NCAPD3: variants seen among roughly 807,000 people sequenced by gnomAD.
NCAPD3 encodes condensin-2 complex subunit D3.
Under a neutral mutation model 182.9 loss-of-function variants are expected in NCAPD3, and 105 were observed. The ratio of observed to expected loss-of-function variants is 0.57; its 90% CI spans 0.49 to 0.68. The LOEUF is 0.68. Among genes scored for constraint, NCAPD3 ranks in the 30% least tolerant of loss-of-function variants. The pLI, the probability that NCAPD3 is intolerant of heterozygous loss-of-function variation, is 0.00. For synonymous variants in NCAPD3, 815 were observed against 679.9 expected (o/e 1.20, Z -3.09); for missense variants, 1,944 against 1,837.0 (o/e 1.06, Z -1.07).
At chr11:134,160,196 C>T (rs1034229247) in intron 28 of NCAPD3, 122 bp from the exon 29 acceptor site, 49 of 964,752 alleles carry the variant, frequency 5.1e-5, no homozygotes, top group Admixed American at 3.9e-4. Context: ...TACCCCTGAA[C>T]GCAAAATAAA....
chr11:134,198,785 A>C (rs899084368), intron 13 of NCAPD3, among the ~76,000 whole-genome samples: 1 of 152,244 alleles, frequency 6.6e-6, no homozygotes, highest in Non-Finnish European at 1.5e-5. Flanking sequence ...ATTATCAAAA[A>C]TAATTTGTAA....
chr11:134,155,480 G>A (rs563652062), intron 32 of NCAPD3, among the ~76,000 whole-genome samples: 19 of 152,220 alleles, frequency 1.2e-4, no homozygotes, highest in Non-Finnish European at 2.6e-4. Flanking sequence ...AGAGCCTGGA[G>A]CAAGAACAAG....
intron 4 of NCAPD3, 163 bp from the exon 5 acceptor site, chr11:134,209,640 C>T (rs1226985911): frequency 1.6e-6 from 1 of 612,040 alleles, no homozygotes; most frequent in Non-Finnish European, 2.8e-6. Flanking sequence ...GTCTCCTTGG[C>T]CACAACAGTA....
At chr11:134,168,339 GAGA>G in intron 26 of NCAPD3, 127 bp downstream of exon 26, 5 of 1,498,572 alleles carry the variant, frequency 3.3e-6, no homozygotes, top group Non-Finnish European at 4.6e-6. Context: ...GCTGATGCCA[GAGA>G]AGGACAAGAT....
At chr11:134,165,849 T>G (rs1219830149) in intron 27 of NCAPD3, among the ~76,000 whole-genome samples, 17 of 103,434 alleles carry the variant, frequency 1.6e-4, no homozygotes, top group African/African-American at 1.6e-4. Context: ...ACTCGTGAGA[T>G]GAGCTTAGGG....
chr11:134,158,208 G>T, intron 30 of NCAPD3, 121 bp downstream of exon 30: 1 of 1,521,520 alleles, frequency 6.6e-7, no homozygotes, highest in Non-Finnish European at 9.0e-7. Flanking sequence ...ACAGTGTGGA[G>T]CGGGGTGGCA....
At chr11:134,169,394 G>A (rs1943952115) in intron 24 of NCAPD3, among the ~76,000 whole-genome samples, 1 of 152,166 alleles carries the variant, frequency 6.6e-6, no homozygotes, top group African/African-American at 2.4e-5. Context: ...AGAGGCCAGT[G>A]GTCTTATAAG....
chr11:134,213,698 T>C (rs1018119991), intron 3 of NCAPD3, among the ~76,000 whole-genome samples: 3 of 149,372 alleles, frequency 2.0e-5, no homozygotes, highest in African/African-American at 7.4e-5. Flanking sequence ...CCTTTAAATA[T>C]AAACATATGG....
intron 13 of NCAPD3, among the ~76,000 whole-genome samples, chr11:134,195,646 C>CT (rs1344588023): frequency 2.6e-5 from 4 of 151,998 alleles, no homozygotes; most frequent in Non-Finnish European, 5.9e-5. Context: ...ACTGGGGAGA[C>CT]TGAGATCAGA....
intron 31 of NCAPD3, 46 bp downstream of exon 31, chr11:134,157,882 C>T: frequency 6.4e-7 from 1 of 1,558,216 alleles, no homozygotes; most frequent in Non-Finnish European, 8.7e-7. Context: ...TCTGTGTTTT[C>T]ATCTGTAAAT....
chr11:134,197,438 A>G (rs541966864), intron 13 of NCAPD3, among the ~76,000 whole-genome samples: 1 of 152,012 alleles, frequency 6.6e-6, no homozygotes, highest in African/African-American at 2.4e-5. Flanking sequence ...CACCATGCCC[A>G]GCTAATTTTT....
chr11:134,165,134 G>T (rs1394311920), intron 27 of NCAPD3, among the ~76,000 whole-genome samples: 1 of 151,842 alleles, frequency 6.6e-6, no homozygotes, highest in Non-Finnish European at 1.5e-5. Flanking sequence ...ATGAGCTTAG[G>T]GGAGCAGCAC....
Position 134,179,057 on chromosome 11 carries a change from T to C in NCAPD3, c.2560-121A>G, listed in dbSNP as rs141318237. ...CCCAAATTTAAAACAATGTTACTAG[T>C]TTTCGTTTCATAAAAATACATGGCT... On this transcript the variant is annotated intron_variant, in intron 20 of 34. Coordinates refer to ENST00000534548, the MANE Select transcript of NCAPD3 (RefSeq NM_015261.3). 1.3e-3 allele frequency: 891 copies of C among 679,038 alleles called. 5 individuals carry two copies. In the African/African-American group the frequency reaches 0.015, roughly 11 times the overall value. 42.1% of individuals were successfully genotyped at this position (679,038 alleles called of 1,614,324 possible).
At chr11:134,164,485 C>A (rs545646315) in intron 27 of NCAPD3, among the ~76,000 whole-genome samples, 17 of 152,326 alleles carry the variant, frequency 1.1e-4, no homozygotes, top group African/African-American at 3.8e-4. Flanking sequence ...AGCACCAGAG[C>A]ATGGCACCAG....
In NCAPD3 at chr11:134,210,281, C is replaced by T. The variant is rs1222365167; in HGVS notation, c.556G>A (p.Glu186Lys). ...AACTTACTTCTTACCTCAATATCTT[C>T]TCTCCTGGGTGGCTTTCCCCTTTTT... Reference protein sequence around the residue: ...HRKRGKPPRREDIEMDEIIEE... With the variant: ...HRKRGKPPRRKDIEMDEIIEE... Residue 186 changes from glutamate to lysine, a missense_variant, in exon 4 of 35, where the codon GAA (glutamate) becomes AAA (lysine). Glu to Lys is a moderately conservative substitution (Grantham distance 56). Transcript: ENST00000534548. 1 of 1,612,204 alleles carries T rather than the reference C, an allele frequency of 6.2e-7. No homozygotes were observed. The highest frequency in any genetic ancestry group is 1.3e-5 in the African/African-American group (1 of 74,640).
At chr11:134,216,632 G>C (rs770480990) in intron 3 of NCAPD3, among the ~76,000 whole-genome samples, 11 of 152,144 alleles carry the variant, frequency 7.2e-5, no homozygotes, top group Non-Finnish European at 1.3e-4. Context: ...GAGAAGAAAG[G>C]GCAATATCAG....
intron 27 of NCAPD3, among the ~76,000 whole-genome samples, chr11:134,163,870 T>G (rs1473009929): frequency 2.7e-5 from 1 of 37,274 alleles, no homozygotes; most frequent in Non-Finnish European, 4.0e-5. Flanking sequence ...AGATTCTGTC[T>G]CAAAAAAAAA....
intron 19 of NCAPD3, 44 bp from the exon 20 acceptor site, chr11:134,181,228 C>A (rs1472355682): frequency 2.4e-6 from 3 of 1,257,270 alleles, no homozygotes; most frequent in Non-Finnish European, 3.5e-6. Context: ...CCGCACATCT[C>A]CCAGACTACC....
intron 19 of NCAPD3, among the ~76,000 whole-genome samples, chr11:134,182,411 C>A (rs561284882): frequency 6.6e-6 from 1 of 152,352 alleles, no homozygotes; most frequent in East Asian, 1.9e-4. Context: ...AAATCCAATT[C>A]TTTTATCTGA....
Sources: allele counts gnomAD v4.1 joint callset (sites outside exome capture counted in the v4.1 genomes callset), GRCh38; gene constraint gnomAD v4.1.1; transcripts MANE v1.5; gene names NCBI Gene and HGNC (gene_info 2026-07-23, HGNC 2026-07-21).